SIK3: variants seen among roughly 807,000 people sequenced by gnomAD.
SIK3 encodes the protein serine/threonine-protein kinase SIK3.
SIK3 carries 28 observed loss-of-function variants against 144.2 expected under a neutral mutation model. The ratio of observed to expected loss-of-function variants is 0.19; its 90% CI spans 0.14 to 0.27. SIK3 has a LOEUF of 0.27. SIK3 is among the 10% of genes least tolerant of loss of function. The pLI is 1.00. For synonymous variants in SIK3, 686 were observed against 676.3 expected, an observed-to-expected ratio of 1.01 and a Z score of -0.22; for missense variants, 1,319 against 1,776.0, an observed-to-expected ratio of 0.74 and a Z score of 4.62.
rs1369770280 is a variant in SIK3, at chr11:117,083,994, C to T, written c.273+14149G>A. On this transcript the variant is annotated intron_variant, in intron 1 of 24. Transcript: ENST00000445177. Reference sequence around the variant, plus strand: ...TTCTAACATAAGTGGACAAAAATACCACCTCGAAGTACACACTATAAATAA... The same window carrying T: ...TTCTAACATAAGTGGACAAAAATACTACCTCGAAGTACACACTATAAATAA... 1.3e-5 allele frequency among the ~76,000 whole-genome samples: 2 copies of T among 152,118 alleles called. 1 individual carries two copies. The highest frequency in any genetic ancestry group is 2.9e-5 in the Non-Finnish European group (2 of 68,016).
At chr11:116,965,586 A>G (rs952533841) in intron 1 of SIK3, among the ~76,000 whole-genome samples, 1 of 151,094 alleles carries the variant, frequency 6.6e-6, no homozygotes, top group Non-Finnish European at 1.5e-5. Flanking sequence ...AGGATGCCTC[A>G]AAGCCCTAAA....
intron 1 of SIK3, among the ~76,000 whole-genome samples, chr11:117,068,287 G>C (rs1402188637): frequency 1.3e-5 from 2 of 151,996 alleles, no homozygotes; most frequent in Non-Finnish European, 2.9e-5. Flanking sequence ...TTTATGAAAT[G>C]ACCCCATCCT....
At chr11:117,049,269 G>A (rs1953114509) in intron 1 of SIK3, among the ~76,000 whole-genome samples, 1 of 152,022 alleles carries the variant, frequency 6.6e-6, no homozygotes, top group African/African-American at 2.4e-5. Context: ...TCTAGGGAGG[G>A]ATATAAAGTT....
chr11:116,991,095 G>C (rs986631085), intron 1 of SIK3, among the ~76,000 whole-genome samples: 1 of 152,206 alleles, frequency 6.6e-6, no homozygotes, highest in Non-Finnish European at 1.5e-5. Context: ...GTCAGAGAGA[G>C]AGCTGGTTAG....
intron 4 of SIK3, among the ~76,000 whole-genome samples, chr11:116,919,486 A>T (rs1359551062): frequency 6.6e-6 from 1 of 152,198 alleles, no homozygotes; most frequent in African/African-American, 2.4e-5. Context: ...CATGGAGACC[A>T]TTCTGGGAGT....
chr11:116,910,198 A>G (rs1327560995), intron 4 of SIK3, among the ~76,000 whole-genome samples: 3 of 152,166 alleles, frequency 2.0e-5, no homozygotes, highest in Admixed American at 6.6e-5. Context: ...TTTGTCTATA[A>G]TATCACTTGC....
intron 1 of SIK3, among the ~76,000 whole-genome samples, chr11:117,034,195 T>C (rs1280481397): frequency 6.6e-6 from 1 of 152,190 alleles, no homozygotes; most frequent in African/African-American, 2.4e-5. Context: ...AGAACTAGTA[T>C]ACATTCCAGA....
At chr11:116,956,335 C>CAA (rs67306337) in intron 2 of SIK3, among the ~76,000 whole-genome samples, 6 of 128,330 alleles carry the variant, frequency 4.7e-5, no homozygotes, top group Non-Finnish European at 3.4e-5. Flanking sequence ...TTGGGAAGAC[C>CAA]AAAAAAAAAA....
intron 1 of SIK3, among the ~76,000 whole-genome samples, chr11:117,021,072 G>A (rs1951744082): frequency 6.6e-6 from 1 of 152,164 alleles, no homozygotes. Flanking sequence ...ACACCAGCTG[G>A]CAGCTGCTGC....
chr11:116,947,450 A>C (rs1948708653), intron 3 of SIK3, among the ~76,000 whole-genome samples: 1 of 150,510 alleles, frequency 6.6e-6, no homozygotes, highest in South Asian at 2.1e-4. Flanking sequence ...CAGATGCTAC[A>C]AAGAGGTCAA....
At chr11:116,984,445 G>A (rs1291253540) in intron 1 of SIK3, among the ~76,000 whole-genome samples, 1 of 152,138 alleles carries the variant, frequency 6.6e-6, no homozygotes, top group East Asian at 1.9e-4. Context: ...AGCAGCATGC[G>A]TTTCCAGATT....
intron 1 of SIK3, among the ~76,000 whole-genome samples, chr11:116,957,759 A>G (rs1949194184): frequency 6.6e-6 from 1 of 152,214 alleles, no homozygotes; most frequent in African/African-American, 2.4e-5. Context: ...TTAACCCAAG[A>G]TTAAGTAATT....
chr11:116,912,603 C>T (rs1443776702), intron 4 of SIK3, among the ~76,000 whole-genome samples: 1 of 152,170 alleles, frequency 6.6e-6, no homozygotes, highest in East Asian at 1.9e-4. Flanking sequence ...GTAACTTGTG[C>T]TTCACTTCCT....
intron 1 of SIK3, among the ~76,000 whole-genome samples, chr11:117,065,685 A>G (rs1953980243): frequency 6.6e-6 from 1 of 150,418 alleles, no homozygotes; most frequent in South Asian, 2.1e-4. Context: ...GTTGGAGTGT[A>G]GTGGCACGAT....
At chr11:117,057,822 T>C (rs1953608453) in intron 1 of SIK3, among the ~76,000 whole-genome samples, 9 of 152,146 alleles carry the variant, frequency 5.9e-5, no homozygotes, top group Admixed American at 5.9e-4. Context: ...TCCTACTTAT[T>C]TACCCACCTA....
At chr11:117,069,634 A>G (rs551469304) in intron 1 of SIK3, among the ~76,000 whole-genome samples, 41 of 152,112 alleles carry the variant, frequency 2.7e-4, no homozygotes, top group African/African-American at 9.9e-4. Flanking sequence ...TCATATACTT[A>G]CCTTCTTAAT....
chr11:116,977,839 T>C (rs541334722), intron 1 of SIK3, among the ~76,000 whole-genome samples: 21 of 152,240 alleles, frequency 1.4e-4, no homozygotes, highest in African/African-American at 4.3e-4. Flanking sequence ...TTTAGCAAGG[T>C]TGACATAAAG....
chr11:117,098,158 G>C lies in SIK3; in HGVS notation c.258C>G (p.Leu86=). 6.6e-7 allele frequency: 1 copy of C among 1,507,464 alleles called. No individual in the cohort carries two copies. Among genetic ancestry groups the C allele is most frequent in the Non-Finnish European group, 8.9e-7 (1 of 1,126,770 alleles). 93.4% of individuals were successfully genotyped at this position (1,507,464 alleles called of 1,614,324 possible). Residue 86 remains leucine, a synonymous_variant, in exon 1 of 25, where the codon CTC becomes CTG. Transcript: ENST00000445177. ...NFAVVKRATH[L]VTKAKVAIKI... is the part of the protein sequence containing the mutation. The stretch of plus-strand genomic sequence containing the variant: ...GCGCCGGTACCTTGGCCTTGGTGAC[G>C]AGGTGCGTGGCCCGCTTGACCACCG...
intron 1 of SIK3, among the ~76,000 whole-genome samples, chr11:116,968,726 A>G (rs1246374437): frequency 2.6e-5 from 4 of 152,212 alleles, no homozygotes; most frequent in Non-Finnish European, 5.9e-5. Context: ...TAGAATTTCA[A>G]AAAGATGCTA....
Sources: allele counts gnomAD v4.1 joint callset (sites outside exome capture counted in the v4.1 genomes callset), GRCh38; gene constraint gnomAD v4.1.1; transcripts MANE v1.5; gene names NCBI Gene and HGNC (gene_info 2026-07-23, HGNC 2026-07-21).